The following SMIM40 variants were observed in gnomAD, a reference collection of about 807,000 sequenced individuals.
SMIM40 encodes the protein small integral membrane protein 40.
rs1771395077 is a variant in SMIM40, at chr6:33,329,156, A to T, written c.110T>A (p.Ile37Asn). ...CAGTGTCAGGAAGAGGGCCAGGAAG[A>T]TAAAGAAAGCCTTGTCCAAGGCACG... Reference protein sequence around the residue: ...VRRALDKAFFIFLALFLTLLM... With the variant: ...VRRALDKAFFNFLALFLTLLM... Residue 37 changes from isoleucine (I) to asparagine (N), a missense_variant, in exon 1 of 3, where the codon ATC becomes AAC. Ile to Asn is a moderately radical substitution (Grantham distance 149). Transcript: ENST00000494082. 1 of 398,806 alleles carries T rather than the reference A, an allele frequency of 2.5e-6. No homozygotes were observed. The highest frequency in any genetic ancestry group is 4.4e-6 in the Non-Finnish European group (1 of 226,298). 24.7% of individuals were successfully genotyped at this position (398,806 alleles called of 1,614,324 possible). A position where few individuals can be genotyped will look rare whatever the true frequency, so the allele number is the denominator to read the frequency against.
intron 1 of SMIM40, 57 bp from the exon 2 acceptor site, chr6:33,324,087 A>T (rs1026674946): frequency 3.3e-5 from 5 of 152,238 alleles, no homozygotes; most frequent in African/African-American, 1.2e-4. Context: ...TCCCATTTCC[A>T]CAAGTGGTGG....
intron 1 of SMIM40, among the ~76,000 whole-genome samples, chr6:33,326,546 C>G (rs1040324801): frequency 6.7e-6 from 1 of 149,096 alleles, no homozygotes; most frequent in African/African-American, 2.6e-5. Flanking sequence ...AATGTGGGGC[C>G]AGGCATGGTG....
chr6:33,326,466 G>A (rs539926203), intron 1 of SMIM40, among the ~76,000 whole-genome samples: 2 of 148,018 alleles, frequency 1.4e-5, no homozygotes, highest in East Asian at 3.9e-4. Flanking sequence ...GTGAAGCACC[G>A]TGCCCGGCCA....
Position 33,326,369 on chromosome 6 carries a change from G to A in SMIM40, c.*40-2339C>T, listed in dbSNP as rs552546199. Among the ~76,000 whole-genome samples, 165 of 147,392 alleles carry A rather than the reference G, an allele frequency of 1.1e-3. 11 individuals carry two copies. The highest frequency in any genetic ancestry group is 4.1e-3 in the African/African-American group (155 of 37,558). On this transcript the variant is annotated intron_variant, in intron 1 of 2. Transcript: ENST00000494082. ...TATTTTTTTTTTTTAGTGGATATGG[G>A]TTTTTGGCATGTTGGCCAGGCTGGT...
At chr6:33,328,081 A>G (rs113756444) in intron 1 of SMIM40, among the ~76,000 whole-genome samples, 3,450 of 151,284 alleles carry the variant, frequency 0.023, 130 homozygotes, top group African/African-American at 0.078. Context: ...GCAAGACTCC[A>G]TCTCAAAAAA....
chr6:33,324,407 A>G (rs1771000812), intron 1 of SMIM40, among the ~76,000 whole-genome samples: 1 of 150,438 alleles, frequency 6.6e-6, no homozygotes, highest in Non-Finnish European at 1.5e-5. Context: ...AAAAAAAAAG[A>G]ATAGTTCTCT....
intron 1 of SMIM40, among the ~76,000 whole-genome samples, chr6:33,325,409 G>C (rs1771107537): frequency 6.8e-6 from 1 of 146,642 alleles, no homozygotes; most frequent in Admixed American, 6.7e-5. Flanking sequence ...GGGTCTTACT[G>C]TGTTGCCCAG....
chr6:33,328,748 C>T (rs1431467234), intron 1 of SMIM40, among the ~76,000 whole-genome samples: 6 of 151,604 alleles, frequency 4.0e-5, no homozygotes, highest in African/African-American at 9.7e-5. Context: ...TAGCAGGGGG[C>T]GGTGGCGCAT....
intron 1 of SMIM40, among the ~76,000 whole-genome samples, chr6:33,325,717 C>T (rs1445408574): frequency 1.4e-5 from 2 of 143,842 alleles, no homozygotes; most frequent in Non-Finnish European, 3.0e-5. Flanking sequence ...ATTAGCTGGG[C>T]GTGGTGGTGG....
chr6:33,328,140 A>G (rs938054708), intron 1 of SMIM40, among the ~76,000 whole-genome samples: 1 of 151,744 alleles, frequency 6.6e-6, no homozygotes, highest in African/African-American at 2.4e-5. Flanking sequence ...TCAATATGCC[A>G]GAATTACATC....
chr6:33,328,886 CAAAAAAAA>C, intron 1 of SMIM40, 93 bp downstream of exon 1: 2 of 273,680 alleles, frequency 7.3e-6, no homozygotes, highest in Non-Finnish European at 1.3e-5. Context: ...AACTCCATCT[CAAAAAAAA>C]AAAAAAAAAA....
chr6:33,325,055 C>T (rs1026585295), intron 1 of SMIM40, among the ~76,000 whole-genome samples: 3 of 151,874 alleles, frequency 2.0e-5, no homozygotes, highest in Non-Finnish European at 4.4e-5. Flanking sequence ...CCTCACCTGG[C>T]TAATTTTTTT....
intron 1 of SMIM40, among the ~76,000 whole-genome samples, chr6:33,328,382 G>A (rs1041195524): frequency 6.0e-5 from 9 of 151,032 alleles, no homozygotes; most frequent in African/African-American, 2.2e-4. Context: ...TAGACATGGG[G>A]TTTCACCATA....
chr6:33,327,224 C>T (rs1352992729), intron 1 of SMIM40, among the ~76,000 whole-genome samples: 1 of 148,532 alleles, frequency 6.7e-6, no homozygotes. Context: ...AGTTCGAGAC[C>T]AGCCTGGCCA....
At chr6:33,326,247 C>CA (rs1771163239) in intron 1 of SMIM40, among the ~76,000 whole-genome samples, 1 of 148,430 alleles carries the variant, frequency 6.7e-6, no homozygotes, top group Non-Finnish European at 1.5e-5. Context: ...TGCAACCTCC[C>CA]ACTCCCGGGT....
chr6:33,328,789 G>A (rs1771370725), intron 1 of SMIM40, among the ~76,000 whole-genome samples, 198 bp downstream of exon 1: 1 of 151,790 alleles, frequency 6.6e-6, no homozygotes, highest in Admixed American at 6.6e-5. Flanking sequence ...AGGAGGCTGA[G>A]GCAGGAGAAT....
chr6:33,328,095 A>T (rs1771323280), intron 1 of SMIM40, among the ~76,000 whole-genome samples: 1 of 151,910 alleles, frequency 6.6e-6, no homozygotes, highest in South Asian at 2.1e-4. Flanking sequence ...CAAAAAAAAA[A>T]TAAAAATTAA....
In SMIM40 at chr6:33,329,199, G is replaced by C. The variant is rs1581808653; in HGVS notation, c.67C>G (p.Pro23Ala). 2.5e-6 allele frequency: 1 copy of C among 398,752 alleles called. No individual in the cohort carries two copies. The highest frequency in any genetic ancestry group is 4.4e-6 in the Non-Finnish European group (1 of 226,162). 24.7% of individuals were successfully genotyped at this position (398,752 alleles called of 1,614,324 possible). A position where few individuals can be genotyped will look rare whatever the true frequency, so the allele number is the denominator to read the frequency against. The change falls in exon 1 of 3, where the codon CCC (proline) becomes GCC (alanine). Residue 23 changes from proline (P) to alanine (A), a missense_variant. Pro to Ala is a conservative substitution (Grantham distance 27). Transcript: ENST00000494082. ...AAGGCACGTCGCACGGGACCCCTGG[G>C]AGGGGAGGGACCCTGGGCAAATGCC... The part of the protein sequence containing the change: ...FLAFAQGPSP[P>A]RGPVRRALDK...
chr6:33,326,967 C>CA lies in SMIM40; in HGVS notation c.*39+2019dup, dbSNP rs556898818. Among the ~76,000 whole-genome samples, 84 of 146,790 alleles carry CA rather than the reference C, an allele frequency of 5.7e-4. 5 individuals carry two copies. Among genetic ancestry groups the CA allele is most frequent in the African/African-American group, 2.2e-3 (82 of 37,536 alleles). The stretch of plus-strand genomic sequence containing the variant: ...TGAAACCCCGTCTCTACTAAAATTA[C>CA]AAAAAAATTAGCTGGGTGTAGTGGC... On this transcript the variant is annotated intron_variant, in intron 1 of 2. Coordinates refer to ENST00000494082, the MANE Select transcript of SMIM40 (RefSeq NM_001369203.1).
Sources: allele counts gnomAD v4.1 joint callset (sites outside exome capture counted in the v4.1 genomes callset), GRCh38; gene constraint gnomAD v4.1.1; transcripts MANE v1.5; gene names NCBI Gene and HGNC (gene_info 2026-07-23, HGNC 2026-07-21).